Variants in EZH2 observed in about 807,000 individuals in gnomAD.
EZH2 encodes histone-lysine N-methyltransferase EZH2.
A neutral mutation model predicts 98.4 loss-of-function variants in EZH2; 18 were observed. The ratio of observed to expected loss-of-function variants is 0.18; its 90% CI spans 0.13 to 0.27. EZH2 has a LOEUF of 0.27. Among genes scored for constraint, EZH2 ranks in the 10% least tolerant of loss-of-function variants. The pLI, the probability that EZH2 is intolerant of heterozygous loss-of-function variation, is 1.00. For synonymous variants in EZH2, 338 were observed against 312.3 expected, an observed-to-expected ratio of 1.08 and a Z score of -0.87; for missense variants, 470 against 935.1, an observed-to-expected ratio of 0.50 and a Z score of 6.49.
intron 1 of EZH2, among the ~76,000 whole-genome samples, chr7:148,854,961 A>G (rs1010061695): frequency 6.6e-6 from 1 of 152,260 alleles, no homozygotes; most frequent in Non-Finnish European, 1.5e-5. Flanking sequence ...TAAGTGATAA[A>G]AATTAATTAC....
chr7:148,808,934 A>G, intron 19 of EZH2, 137 bp downstream of exon 19: 1 of 647,460 alleles, frequency 1.5e-6, no homozygotes, highest in Non-Finnish European at 2.7e-6. Context: ...AGGAAAGTGT[A>G]ACCTAATTCC....
At chr7:148,826,337 A>G (rs1807699107) in intron 8 of EZH2, 117 bp downstream of exon 8, 1 of 762,816 alleles carries the variant, frequency 1.3e-6, no homozygotes, top group Non-Finnish European at 1.8e-6. Flanking sequence ...AGATCTAAAG[A>G]TATTTGTCAA....
intron 3 of EZH2, among the ~76,000 whole-genome samples, chr7:148,838,216 G>A (rs769771818): frequency 4.0e-5 from 6 of 151,884 alleles, no homozygotes; most frequent in Non-Finnish European, 7.4e-5. Context: ...CTACAAGTAC[G>A]TGTCACCACA....
intron 6 of EZH2, among the ~76,000 whole-genome samples, chr7:148,827,552 C>T (rs1203088478): frequency 6.6e-6 from 1 of 152,182 alleles, no homozygotes; most frequent in African/African-American, 2.4e-5. Context: ...TTAGAGTGAT[C>T]ACTTTACCTC....
intron 1 of EZH2, among the ~76,000 whole-genome samples, chr7:148,866,555 C>CGT (rs55982732): frequency 0.21 from 19,610 of 92,958 alleles, 2,488 homozygotes; most frequent in Middle Eastern, 0.29. Flanking sequence ...CATATATATA[C>CGT]ATATATACAT....
chr7:148,816,818 T>A (rs1804688058), intron 11 of EZH2, 40 bp from the exon 12 acceptor site: 1 of 1,471,514 alleles, frequency 6.8e-7, no homozygotes, highest in Non-Finnish European at 9.5e-7. Flanking sequence ...AGGACAGTCT[T>A]ATTTAGGCAA....
chr7:148,858,368 C>G (rs1248916597), intron 1 of EZH2, among the ~76,000 whole-genome samples: 2 of 152,162 alleles, frequency 1.3e-5, no homozygotes, highest in Non-Finnish European at 2.9e-5. Context: ...GCAGGGCTCA[C>G]TCTGTTCCCC....
intron 15 of EZH2, among the ~76,000 whole-genome samples, chr7:148,812,165 C>G (rs932167582): frequency 6.6e-6 from 1 of 152,170 alleles, no homozygotes; most frequent in Non-Finnish European, 1.5e-5. Context: ...ATTCCATTTT[C>G]AGCCCCAGGA....
chr7:148,863,529 T>G (rs180882877), intron 1 of EZH2, among the ~76,000 whole-genome samples: 20 of 152,306 alleles, frequency 1.3e-4, no homozygotes, highest in Admixed American at 9.8e-4. Flanking sequence ...GTCACCCTTC[T>G]GATCCTCCTG....
chr7:148,834,281 A>C (rs1469620982), intron 3 of EZH2, among the ~76,000 whole-genome samples: 1 of 151,948 alleles, frequency 6.6e-6, no homozygotes, highest in East Asian at 1.9e-4. Context: ...TTCATAATCC[A>C]CAATCAATGA....
intron 1 of EZH2, among the ~76,000 whole-genome samples, chr7:148,879,480 C>T (rs1417659461): frequency 6.6e-6 from 1 of 151,840 alleles, no homozygotes; most frequent in African/African-American, 2.4e-5. Flanking sequence ...CACCTGAGGT[C>T]GGGAGTTCGA....
chr7:148,842,069 AATATACACC>A (rs1243199168), intron 3 of EZH2, among the ~76,000 whole-genome samples: 1 of 152,220 alleles, frequency 6.6e-6, no homozygotes, highest in African/African-American at 2.4e-5. Flanking sequence ...AAGCCCCAAG[AATATACACC>A]ATATTCTCTC....
chr7:148,856,002 T>C (rs1434847799), intron 1 of EZH2, among the ~76,000 whole-genome samples: 1 of 149,292 alleles, frequency 6.7e-6, no homozygotes, highest in African/African-American at 2.5e-5. Context: ...AACAACTCAA[T>C]ATAAAGACTT....
At position 148,869,699 on chromosome 7, in the gene EZH2, T is replaced by TA. The variant is rs1199504318; in HGVS notation, c.-8+14464dup. Among the ~76,000 whole-genome samples the TA allele has an allele frequency of 2.0e-5, 3 of 152,360 alleles. No homozygotes were observed. In the East Asian group the frequency reaches 5.8e-4, roughly 29 times the overall value. ...GAACCTAGGCAAGTTATTTACTAAT[T>TA]ACTTCATCTGCAAAATGAAGACATC... On this transcript the variant is annotated intron_variant, in intron 1 of 19. Coordinates refer to ENST00000320356, the MANE Select transcript of EZH2 (RefSeq NM_004456.5).
chr7:148,867,329 A>AAAAT (rs982352805), intron 1 of EZH2, among the ~76,000 whole-genome samples: 2 of 152,082 alleles, frequency 1.3e-5, no homozygotes, highest in Non-Finnish European at 2.9e-5. Context: ...TCCCATCTCA[A>AAAAT]AAATAAATAA....
chr7:148,832,761 AAAAAT>A lies in EZH2; in HGVS notation c.247-16_247-12del. 6.4e-7 allele frequency: 1 copy of A among 1,550,824 alleles called. No homozygotes were observed. Among genetic ancestry groups the A allele is most frequent in the Non-Finnish European group, 8.9e-7 (1 of 1,129,002 alleles). On this transcript the variant is annotated splice_polypyrimidine_tract_variant and intron_variant, in intron 3 of 19. Transcript: ENST00000320356. ...ACTGGTCACCGAACACTAAAACAGA[AAAAAT>A]AAAATTGACTCTTAAGAATAAAAGG... is the stretch of plus-strand genomic sequence containing the variant.
At chr7:148,862,298 C>G (rs556563772) in intron 1 of EZH2, among the ~76,000 whole-genome samples, 69 of 152,288 alleles carry the variant, frequency 4.5e-4, no homozygotes, top group African/African-American at 1.7e-3. Context: ...CTAAAAAGTA[C>G]TGGTCCACTG....
intron 3 of EZH2, among the ~76,000 whole-genome samples, chr7:148,832,954 A>G (rs1809799782): frequency 6.6e-6 from 1 of 152,194 alleles, no homozygotes; most frequent in Non-Finnish European, 1.5e-5. Context: ...CAAATTTTCC[A>G]AATTTTCAAA....
intron 1 of EZH2, among the ~76,000 whole-genome samples, chr7:148,871,542 T>A (rs1819399789): frequency 6.7e-6 from 1 of 150,164 alleles, no homozygotes. Flanking sequence ...ACCCACCCTA[T>A]ACACAAGTTT....
Sources: allele counts gnomAD v4.1 joint callset (sites outside exome capture counted in the v4.1 genomes callset), GRCh38; gene constraint gnomAD v4.1.1; transcripts MANE v1.5; gene names NCBI Gene and HGNC (gene_info 2026-07-23, HGNC 2026-07-21).